Variants in MSX2 observed in about 807,000 individuals in gnomAD.
MSX2 encodes the protein msh homeobox 2.
A neutral mutation model predicts 18.4 loss-of-function variants in MSX2; 10 were observed. The observed-to-expected ratio is 0.54, with a 90% CI of 0.34 to 0.92. The LOEUF (loss-of-function observed/expected upper bound fraction) is 0.92. Among genes scored for constraint, MSX2 ranks in the 40% least tolerant of loss-of-function variants. The pLI, the probability that MSX2 is intolerant of heterozygous loss-of-function variation, is 0.02. For synonymous variants in MSX2, 170 were observed against 165.6 expected (o/e 1.03, Z -0.20); for missense variants, 339 against 364.0 (o/e 0.93, Z 0.56).
chr5:174,725,751 C>G (rs1018915369), intron 1 of MSX2, among the ~76,000 whole-genome samples: 1 of 152,142 alleles, frequency 6.6e-6, no homozygotes, highest in African/African-American at 2.4e-5. Context: ...TCTTGGCTCA[C>G]AGTAATAATT....
Position 174,726,738 on chromosome 5 carries a change from G to C in MSX2, c.379+1700G>C, listed in dbSNP as rs949047913. 4.6e-5 allele frequency among the ~76,000 whole-genome samples: 7 copies of C among 152,144 alleles called. No homozygotes were observed. The South Asian group carries it at 1.2e-3, about 27-fold the overall frequency. The stretch of plus-strand genomic sequence containing the variant: ...CCCACTTTATCGACAGTGAGGTAGA[G>C]GCTCAGAAAATTAAAAGACTTAATT... On this transcript the variant is annotated intron_variant, in intron 1 of 1. Transcript: ENST00000239243.
chr5:174,726,787 A>T (rs558006486), intron 1 of MSX2, among the ~76,000 whole-genome samples: 1 of 152,306 alleles, frequency 6.6e-6, no homozygotes, highest in South Asian at 2.1e-4. Flanking sequence ...TTGAGTACAT[A>T]GCCTACGCCT....
intron 1 of MSX2, among the ~76,000 whole-genome samples, chr5:174,726,242 G>A (rs1000930165): frequency 6.6e-6 from 1 of 152,114 alleles, no homozygotes; most frequent in Non-Finnish European, 1.5e-5. Context: ...GAGGGTGGGG[G>A]CTGTGGAGGG....
At chr5:174,725,124 A>C in intron 1 of MSX2, 86 bp downstream of exon 1, 2 of 1,540,434 alleles carry the variant, frequency 1.3e-6, no homozygotes, top group Non-Finnish European at 1.7e-6. Flanking sequence ...GAGGGTACCG[A>C]GACCCTTCTG....
intron 1 of MSX2, among the ~76,000 whole-genome samples, chr5:174,727,551 G>A (rs1760831232): frequency 6.6e-6 from 1 of 152,182 alleles, no homozygotes; most frequent in Non-Finnish European, 1.5e-5. Flanking sequence ...TAGAAAGGGC[G>A]AGAATTTTGC....
chr5:174,728,830 CTTAAAAAACTCATTT>C (rs1343872297), intron 1 of MSX2, among the ~76,000 whole-genome samples: 1 of 152,060 alleles, frequency 6.6e-6, no homozygotes, highest in Admixed American at 6.5e-5. Flanking sequence ...CAAAACTTTT[CTTAAAAAACTCATTT>C]TTAAAAAACG....
chr5:174,724,830 G>A lies in MSX2; in HGVS notation c.171G>A (p.Lys57=), dbSNP rs1278476640. 1 of 1,551,220 alleles carries A rather than the reference G, an allele frequency of 6.4e-7. No homozygotes were observed. Among genetic ancestry groups the A allele is most frequent in the Non-Finnish European group, 8.7e-7 (1 of 1,147,794 alleles). The change falls in exon 1 of 2, where the codon AAG becomes AAA. Residue 57 remains lysine, a synonymous_variant. Transcript: ENST00000239243. ...TGGAGGCGCTCATGTCCGACAAGAA[G>A]CCGCCCAAGGAGGCGTCCCCGCTGC... The part of the protein sequence containing the change: ...FSVEALMSDK[K]PPKEASPLPA...
intron 1 of MSX2, among the ~76,000 whole-genome samples, chr5:174,728,385 A>G (rs532949974): frequency 1.5e-4 from 22 of 151,672 alleles, no homozygotes; most frequent in Admixed American, 4.0e-4. Context: ...CTGTAAAATG[A>G]TGTTCAGATT....
In MSX2 at chr5:174,724,622, G is replaced by A. The variant is rs1760732458; in HGVS notation, c.-38G>A. On this transcript the variant is annotated 5_prime_UTR_variant, in exon 1 of 2. Transcript: ENST00000239243. ...GAGTCGCCGCTGCCGGGTTGCCAGCGGAGTCGCGCGTCGGGAGCTACGTAG... is the reference window on the plus strand; with the variant it reads ...GAGTCGCCGCTGCCGGGTTGCCAGCAGAGTCGCGCGTCGGGAGCTACGTAG... 3 of 1,564,724 alleles carry A rather than the reference G, an allele frequency of 1.9e-6. No individual in the cohort carries two copies. Among genetic ancestry groups the A allele is most frequent in the Admixed American group, 1.9e-5 (1 of 53,194 alleles).
In MSX2 at chr5:174,724,852, C is replaced by G. The variant is rs1041962845; in HGVS notation, c.193C>G (p.Leu65Val). ...DKKPPKEASP[L>V]PAESASAGAT... The stretch of plus-strand genomic sequence containing the variant: ...GAAGCCGCCCAAGGAGGCGTCCCCG[C>G]TGCCGGCCGAAAGCGCCTCGGCCGG... The change falls in exon 1 of 2, where the codon CTG becomes GTG. Residue 65 changes from leucine (L) to valine (V), a missense_variant. Coordinates refer to ENST00000239243, the MANE Select transcript of MSX2 (RefSeq NM_002449.5). 3.9e-6 allele frequency: 6 copies of G among 1,552,278 alleles called. No individual in the cohort carries two copies. The highest frequency in any genetic ancestry group is 2.0e-5 in the Admixed American group (1 of 50,964).
In MSX2 at chr5:174,724,632, GT is replaced by G; in HGVS notation, c.-27del. ...TGCCGGGTTGCCAGCGGAGTCGCGC[GT>G]CGGGAGCTACGTAGGGCAGAGAAGT... On this transcript the variant is annotated 5_prime_UTR_variant, in exon 1 of 2. Transcript: ENST00000239243. The G allele has an allele frequency of 6.4e-7, 1 of 1,571,644 alleles. No homozygotes were observed.
intron 1 of MSX2, among the ~76,000 whole-genome samples, chr5:174,725,851 CACTGG>C (rs1760784627): frequency 6.6e-6 from 1 of 152,174 alleles, no homozygotes; most frequent in Non-Finnish European, 1.5e-5. Context: ...CAAGTGTAGA[CACTGG>C]ACTTGTGACT....
rs1182743736 is a variant in MSX2 at position 174,729,836 on chromosome 5, T to TA, written c.*254dup. The TA allele has an allele frequency of 8.3e-6, 2 of 242,274 alleles. No individual in the cohort carries two copies. Among genetic ancestry groups the TA allele is most frequent in the Non-Finnish European group, 1.6e-5 (2 of 125,312 alleles). The allele number at this position is 242,274 out of a possible 1,614,324, so 15.0% of individuals were successfully genotyped here. On this transcript the variant is annotated 3_prime_UTR_variant, in exon 2 of 2. Coordinates refer to ENST00000239243, the MANE Select transcript of MSX2 (RefSeq NM_002449.5). Reference sequence around the variant, plus strand: ...CACAAAGATTGGCTCTGATGGTTTTTATGTATAAATATATATATATAATAA... The same window carrying TA: ...CACAAAGATTGGCTCTGATGGTTTTTAATGTATAAATATATATATATAATAA...
rs1267778848 is a variant in MSX2 at position 174,730,416 on chromosome 5, G to A, written c.*833G>A. The A allele has an allele frequency of 6.6e-6, 1 of 152,284 alleles. No individual in the cohort carries two copies. Among genetic ancestry groups the A allele is most frequent in the Non-Finnish European group, 1.5e-5 (1 of 68,034 alleles). 9.4% of individuals were successfully genotyped at this position (152,284 alleles called of 1,614,324 possible). ...ATTGGAGAGTAAAATGTTAAAACCT[G>A]TTGAGAGGAATTGATGGTTTCTGAG... On this transcript the variant is annotated 3_prime_UTR_variant, in exon 2 of 2. Transcript: ENST00000239243.
intron 1 of MSX2, among the ~76,000 whole-genome samples, chr5:174,726,023 A>G (rs1286868826): frequency 6.6e-6 from 1 of 152,150 alleles, no homozygotes; most frequent in Non-Finnish European, 1.5e-5. Flanking sequence ...CTCTCCCCAG[A>G]GAGACTAGGT....
In MSX2 at chr5:174,729,558, G is replaced by A. The variant is rs528373280; in HGVS notation, c.779G>A (p.Gly260Glu). 3 of 1,612,266 alleles carry A rather than the reference G, an allele frequency of 1.9e-6. No homozygotes were observed. The South Asian group carries it at 3.3e-5, about 18-fold the overall frequency. The change falls in exon 2 of 2, where the codon GGA becomes GAA. Residue 260 changes from glycine (G) to glutamate (E), a missense_variant. Physicochemically the swap from Gly to Glu is moderately conservative, Grantham distance 98 (BLOSUM62 -2). This residue lies in a region of MSX2 where 128 missense variants were observed against 178.6 expected (regional missense o/e 0.72). Transcript: ENST00000239243. ...PPVGLYATPV[G>E]YGMYHLS is the part of the protein sequence containing the mutation. ...GTGGGACTCTATGCCACGCCAGTGGGATATGGCATGTACCACCTGTCCTAA... is the reference window on the plus strand; with the variant it reads ...GTGGGACTCTATGCCACGCCAGTGGAATATGGCATGTACCACCTGTCCTAA...
rs764608651 is a variant in MSX2 at position 174,724,675 on chromosome 5, A to G, written c.16A>G (p.Lys6Glu). Residue 6 changes from lysine (K) to glutamate (E), a missense_variant, in exon 1 of 2, where the codon AAA becomes GAA. This residue lies in a region of MSX2 where 211 missense variants were observed against 185.4 expected (regional missense o/e 1.14). Coordinates refer to ENST00000239243, the MANE Select transcript of MSX2 (RefSeq NM_002449.5). ...CAGAGAAGTCATGGCTTCTCCGTCC[A>G]AAGGCAATGACTTGTTTTCGCCCGA... MASPS[K>E]GNDLFSPDEE... 2 of 1,593,854 alleles carry G rather than the reference A, an allele frequency of 1.3e-6. No individual in the cohort carries two copies. The highest frequency in any genetic ancestry group is 1.7e-6 in the Non-Finnish European group (2 of 1,171,494).
chr5:174,724,611 G>C lies in MSX2; in HGVS notation c.-49G>C, dbSNP rs900941970. On this transcript the variant is annotated 5_prime_UTR_variant, in exon 1 of 2. Transcript: ENST00000239243. ...CAAAAAAGTTTGAGTCGCCGCTGCC[G>C]GGTTGCCAGCGGAGTCGCGCGTCGG... 1.9e-6 allele frequency: 3 copies of C among 1,556,158 alleles called. No individual in the cohort carries two copies. The highest frequency in any genetic ancestry group is 2.6e-6 in the Non-Finnish European group (3 of 1,150,338).
rs920850112 is a variant in MSX2 at position 174,730,286 on chromosome 5, C to G, written c.*703C>G. Reference sequence around the variant, plus strand: ...TTTTTTAAGAATATTTTTGTAAGACCAATACCTGGGATGAGAAGAATCCTG... The same window carrying G: ...TTTTTTAAGAATATTTTTGTAAGACGAATACCTGGGATGAGAAGAATCCTG... On this transcript the variant is annotated 3_prime_UTR_variant, in exon 2 of 2. Transcript: ENST00000239243. 6.6e-6 allele frequency: 1 copy of G among 151,572 alleles called. No homozygotes were observed. The highest frequency in any genetic ancestry group is 2.4e-5 in the African/African-American group (1 of 41,198). 9.4% of individuals were successfully genotyped at this position (151,572 alleles called of 1,614,324 possible).
Sources: allele counts gnomAD v4.1 joint callset (sites outside exome capture counted in the v4.1 genomes callset), GRCh38; gene constraint gnomAD v4.1.1; regional missense constraint gnomAD v4.1.1; transcripts MANE v1.5; gene names NCBI Gene and HGNC (gene_info 2026-07-23, HGNC 2026-07-21).